The following TMEM132B variants were observed in gnomAD, a reference collection of about 807,000 sequenced individuals.
The protein encoded by TMEM132B is transmembrane protein 132B.
A neutral mutation model predicts 90.8 loss-of-function variants in TMEM132B; 18 were observed. That is an observed-to-expected ratio of 0.20 (90% CI 0.14 to 0.29). The LOEUF (loss-of-function observed/expected upper bound fraction) is 0.29. TMEM132B is among the 10% of genes least tolerant of loss of function. TMEM132B has a pLI of 1.00. For synonymous variants in TMEM132B, 504 were observed against 523.3 expected (o/e 0.96, Z 0.50); for missense variants, 1,096 against 1,326.8 (o/e 0.83, Z 2.70).
chr12:125,330,116 G>A (rs1435327425), intron 1 of TMEM132B, among the ~76,000 whole-genome samples: 1 of 152,210 alleles, frequency 6.6e-6, no homozygotes, highest in African/African-American at 2.4e-5. Context: ...TGCGTGTGGT[G>A]TGGGTGCGTC....
intron 1 of TMEM132B, among the ~76,000 whole-genome samples, chr12:125,305,596 G>A (rs983175730): frequency 6.6e-6 from 1 of 152,126 alleles, no homozygotes; most frequent in Non-Finnish European, 1.5e-5. Context: ...TCTAAGGTTT[G>A]TATTAACATG....
intron 1 of TMEM132B, among the ~76,000 whole-genome samples, chr12:125,342,089 T>G (rs7314599): frequency 1.3e-5 from 2 of 151,962 alleles, no homozygotes; most frequent in Non-Finnish European, 2.9e-5. Context: ...CTTAAAGCCA[T>G]TCTGTGGACT....
At chr12:125,485,794 C>G (rs914107059) in intron 3 of TMEM132B, among the ~76,000 whole-genome samples, 7 of 152,186 alleles carry the variant, frequency 4.6e-5, no homozygotes, top group African/African-American at 1.7e-4. Context: ...CTCTACACAG[C>G]TACCATTGGC....
At chr12:125,645,829 A>G (rs1007294387) in intron 6 of TMEM132B, among the ~76,000 whole-genome samples, 2 of 152,174 alleles carry the variant, frequency 1.3e-5, no homozygotes, top group African/African-American at 2.4e-5. Flanking sequence ...GAAAACTAAT[A>G]CAGAGCCTGT....
intron 5 of TMEM132B, among the ~76,000 whole-genome samples, chr12:125,624,969 T>C (rs955461685): frequency 8.5e-5 from 13 of 152,068 alleles, no homozygotes; most frequent in Non-Finnish European, 4.4e-5. Flanking sequence ...CGAAGAACAG[T>C]TCTGTCGCAC....
intron 3 of TMEM132B, among the ~76,000 whole-genome samples, chr12:125,430,899 C>T (rs1263504100): frequency 6.6e-6 from 1 of 152,118 alleles, no homozygotes; most frequent in Non-Finnish European, 1.5e-5. Flanking sequence ...CAGGGAGGGC[C>T]TCTCTGACGA....
intron 4 of TMEM132B, among the ~76,000 whole-genome samples, chr12:125,557,933 G>A (rs1592992237): frequency 1.3e-5 from 2 of 152,174 alleles, no homozygotes; most frequent in Admixed American, 1.3e-4. Context: ...TTACTGGAAA[G>A]GGGAAGGGTC....
At chr12:125,199,681 C>A (rs1873010155) in intron 1 of TMEM132B, among the ~76,000 whole-genome samples, 1 of 152,166 alleles carries the variant, frequency 6.6e-6, no homozygotes, top group Admixed American at 6.6e-5. Context: ...GAATCTGTTC[C>A]ATGAAGTACT....
intron 4 of TMEM132B, among the ~76,000 whole-genome samples, chr12:125,527,568 C>G (rs1883523351): frequency 7.3e-6 from 1 of 136,968 alleles, no homozygotes; most frequent in South Asian, 2.4e-4. Context: ...ATCCACCCAT[C>G]CACCCTTCCA....
chr12:125,495,844 G>C lies in TMEM132B; in HGVS notation c.1107-23595G>C, dbSNP rs539699415. ...GTACATTTGGAATGATGTTGAGGCT[G>C]GTAGGACATTGAGCATTCCTTTGGT... On this transcript the variant is annotated intron_variant, in intron 3 of 8. Coordinates refer to ENST00000682704, the MANE Select transcript of TMEM132B (RefSeq NM_001366854.1). 7.1e-4 allele frequency among the ~76,000 whole-genome samples: 108 copies of C among 152,290 alleles called. 1 individual carries two copies. Among genetic ancestry groups the C allele is most frequent in the African/African-American group, 2.3e-3 (94 of 41,554 alleles).
At chr12:125,436,205 G>A (rs1335059545) in intron 3 of TMEM132B, among the ~76,000 whole-genome samples, 1 of 152,154 alleles carries the variant, frequency 6.6e-6, no homozygotes, top group East Asian at 1.9e-4. Context: ...TGAGCACATT[G>A]TATGAAGCTC....
At chr12:125,194,245 G>C (rs1015447409) in intron 1 of TMEM132B, among the ~76,000 whole-genome samples, 2 of 149,296 alleles carry the variant, frequency 1.3e-5, no homozygotes, top group Non-Finnish European at 3.0e-5. Flanking sequence ...TCGGTGCTCC[G>C]AGCCTGGTCT....
chr12:125,515,305 CTA>C (rs534779788), intron 3 of TMEM132B, among the ~76,000 whole-genome samples: 3 of 151,672 alleles, frequency 2.0e-5, no homozygotes, highest in Non-Finnish European at 4.4e-5. Context: ...CTCATACACA[CTA>C]TTCACATGTT....
intron 2 of TMEM132B, among the ~76,000 whole-genome samples, chr12:125,366,321 T>G (rs905813648): frequency 6.6e-6 from 1 of 152,184 alleles, no homozygotes; most frequent in Non-Finnish European, 1.5e-5. Flanking sequence ...CTACTGTGAA[T>G]AGTGCTGCAG....
intron 1 of TMEM132B, among the ~76,000 whole-genome samples, chr12:125,312,026 T>A (rs1381281078): frequency 6.6e-6 from 1 of 152,224 alleles, no homozygotes; most frequent in Non-Finnish European, 1.5e-5. Context: ...TGGTGGGGAC[T>A]GTGGCAAAGT....
intron 3 of TMEM132B, among the ~76,000 whole-genome samples, chr12:125,433,166 T>A (rs1034984330): frequency 2.0e-5 from 3 of 152,222 alleles, no homozygotes; most frequent in Non-Finnish European, 4.4e-5. Context: ...TGCTTATTTT[T>A]AAATGTTTTT....
chr12:125,494,445 C>T (rs112661659), intron 3 of TMEM132B, among the ~76,000 whole-genome samples: 49,154 of 114,532 alleles, frequency 0.43, 11,467 homozygotes, highest in Middle Eastern at 0.57. Context: ...CCGTGTCCCT[C>T]CTCCCCCTCC....
intron 1 of TMEM132B, among the ~76,000 whole-genome samples, chr12:125,258,975 T>TA (rs1334717689): frequency 1.3e-5 from 2 of 152,146 alleles, no homozygotes; most frequent in East Asian, 3.9e-4. Context: ...AGACATACGA[T>TA]ACGGCATTGA....
At chr12:125,628,685 G>A (rs1886289534) in intron 5 of TMEM132B, among the ~76,000 whole-genome samples, 5 of 152,104 alleles carry the variant, frequency 3.3e-5, no homozygotes, top group Admixed American at 3.3e-4. Flanking sequence ...TGCTTTGGTT[G>A]CCTATGCTTG....
Sources: allele counts gnomAD v4.1 joint callset (sites outside exome capture counted in the v4.1 genomes callset), GRCh38; gene constraint gnomAD v4.1.1; transcripts MANE v1.5; gene names NCBI Gene and HGNC (gene_info 2026-07-23, HGNC 2026-07-21).